GSK3B: variants seen among roughly 807,000 people sequenced by gnomAD.
The protein encoded by GSK3B is glycogen synthase kinase-3 beta.
In GSK3B, 15 loss-of-function variants were observed where a neutral mutation model predicts 56.4. That is an observed-to-expected ratio of 0.27 (90% CI 0.18 to 0.41). GSK3B has a LOEUF of 0.41. Ranked by LOEUF, GSK3B falls within the 10% of genes least tolerant of loss-of-function variation. GSK3B has a pLI of 1.00. For synonymous variants in GSK3B, 181 were observed against 188.9 expected, an observed-to-expected ratio of 0.96 and a Z score of 0.34; for missense variants, 300 against 513.4, an observed-to-expected ratio of 0.58 and a Z score of 4.02.
intron 2 of GSK3B, among the ~76,000 whole-genome samples, chr3:119,953,330 T>C (rs919788223): frequency 3.3e-5 from 5 of 152,182 alleles, no homozygotes; most frequent in African/African-American, 1.2e-4. Flanking sequence ...AAATGGCACA[T>C]GTAATTCCAG....
intron 1 of GSK3B, among the ~76,000 whole-genome samples, chr3:120,056,870 CA>C (rs1274722958): frequency 6.6e-6 from 1 of 152,178 alleles, no homozygotes; most frequent in Non-Finnish European, 1.5e-5. Flanking sequence ...AAGCTGGGCA[CA>C]GTGGCTCATG....
At position 119,958,172 on chromosome 3, in the gene GSK3B, CT is replaced by C. The variant is rs2057232696; in HGVS notation, c.283-10822del. Among the ~76,000 whole-genome samples, 3 of 152,218 alleles carry C rather than the reference CT, an allele frequency of 2.0e-5. No individual in the cohort carries two copies. In the South Asian group the frequency reaches 6.2e-4, roughly 32 times the overall value. ...GCACGATGACTCTCTCTCCCACCAC[CT>C]TGTGAAGAAGGTGCCTGCTTTCTTT... On this transcript the variant is annotated intron_variant, in intron 2 of 10. Transcript: ENST00000264235.
chr3:119,962,743 T>C (rs1207635593), intron 2 of GSK3B, among the ~76,000 whole-genome samples: 2 of 152,204 alleles, frequency 1.3e-5, no homozygotes, highest in African/African-American at 2.4e-5. Context: ...CTCAACCTTT[T>C]TGGCACAAGG....
At chr3:119,888,062 A>G (rs939867483) in intron 7 of GSK3B, among the ~76,000 whole-genome samples, 1 of 152,140 alleles carries the variant, frequency 6.6e-6, no homozygotes, top group South Asian at 2.1e-4. Flanking sequence ...GTTTGTCACC[A>G]GCAGATCTTC....
At chr3:119,866,574 A>G (rs200569017) in intron 8 of GSK3B, 81 of 1,584,112 alleles carry the variant, frequency 5.1e-5, no homozygotes, top group Admixed American at 4.6e-4. Context: ...TTGGGAAAAA[A>G]AAATTAAGTA....
At chr3:119,876,365 G>A (rs757738148) in intron 8 of GSK3B, 48 bp downstream of exon 8, 9 of 966,782 alleles carry the variant, frequency 9.3e-6, no homozygotes, top group Non-Finnish European at 1.2e-5. Flanking sequence ...TGAGAAACCT[G>A]TTTTAGTTAA....
At chr3:119,940,646 T>G (rs565681267) in intron 3 of GSK3B, among the ~76,000 whole-genome samples, 139 of 152,316 alleles carry the variant, frequency 9.1e-4, no homozygotes, top group African/African-American at 3.3e-3. Flanking sequence ...CATAGCTTGC[T>G]ATAATTATAT....
At chr3:119,842,938 T>TG (rs553630104) in intron 10 of GSK3B, among the ~76,000 whole-genome samples, 36 of 152,108 alleles carry the variant, frequency 2.4e-4, no homozygotes, top group African/African-American at 8.4e-4. Flanking sequence ...TTTTTTGAGA[T>TG]GGAGTCTTGC....
chr3:119,963,625 CAAA>C (rs774359104), intron 2 of GSK3B, among the ~76,000 whole-genome samples: 1 of 79,196 alleles, frequency 1.3e-5, no homozygotes. Context: ...TTCTTCCCCA[CAAA>C]AAAAAAAAAA....
At chr3:119,972,171 G>C (rs916306391) in intron 2 of GSK3B, among the ~76,000 whole-genome samples, 3 of 152,152 alleles carry the variant, frequency 2.0e-5, no homozygotes, top group African/African-American at 7.2e-5. Context: ...ACAGGTAAGA[G>C]CTAATAACAT....
At chr3:120,080,314 GGGAAGAAGGAAGACGAA>G (rs967135848) in intron 1 of GSK3B, among the ~76,000 whole-genome samples, 2 of 150,972 alleles carry the variant, frequency 1.3e-5, no homozygotes, top group African/African-American at 4.9e-5. Context: ...AGGAGGGGGA[GGGAAGAAGGAAGACGAA>G]GGAAGAAGGA....
intron 8 of GSK3B, among the ~76,000 whole-genome samples, chr3:119,870,682 T>C (rs2056239815): frequency 2.0e-5 from 3 of 152,182 alleles, no homozygotes; most frequent in African/African-American, 4.8e-5. Flanking sequence ...AAGTGATTAT[T>C]ATAGCAATAA....
chr3:119,871,574 TAGAC>T (rs2056250596), intron 8 of GSK3B, among the ~76,000 whole-genome samples: 2 of 152,122 alleles, frequency 1.3e-5, no homozygotes, highest in African/African-American at 4.8e-5. Context: ...ATAAAGAACT[TAGAC>T]AATGAGAAAA....
chr3:119,984,065 C>T (rs774742505), intron 2 of GSK3B, among the ~76,000 whole-genome samples: 3 of 152,148 alleles, frequency 2.0e-5, no homozygotes, highest in Non-Finnish European at 2.9e-5. Context: ...CTCAAAACTG[C>T]ACAACTGCAT....
chr3:119,971,247 G>A (rs2057363856), intron 2 of GSK3B, among the ~76,000 whole-genome samples: 1 of 152,146 alleles, frequency 6.6e-6, no homozygotes, highest in African/African-American at 2.4e-5. Flanking sequence ...TAAATTTCAA[G>A]TATGGGAAGA....
In GSK3B at chr3:119,823,744, G is replaced by A. The variant is rs1232999597; in HGVS notation, c.*3044C>T. 2.6e-5 allele frequency: 5 copies of A among 190,796 alleles called. No homozygotes were observed. Among genetic ancestry groups the A allele is most frequent in the Non-Finnish European group, 4.4e-5 (4 of 91,102 alleles). 11.8% of individuals were successfully genotyped at this position (190,796 alleles called of 1,614,324 possible). A position where few individuals can be genotyped will look rare whatever the true frequency, so the allele number is the denominator to read the frequency against. On this transcript the variant is annotated 3_prime_UTR_variant, in exon 11 of 11. Coordinates refer to ENST00000264235, the MANE Select transcript of GSK3B (RefSeq NM_001146156.2). ...ACCAAAACAAAGGCAGGGCTTCAACGAAATGAAATTACGAATATGATTTCC... is the reference window on the plus strand; with the variant it reads ...ACCAAAACAAAGGCAGGGCTTCAACAAAATGAAATTACGAATATGATTTCC...
At chr3:120,034,803 A>C (rs905882014) in intron 1 of GSK3B, among the ~76,000 whole-genome samples, 2 of 152,190 alleles carry the variant, frequency 1.3e-5, no homozygotes, top group African/African-American at 4.8e-5. Context: ...AATCAAATTA[A>C]AATGAGGGCC....
At position 119,822,385 on chromosome 3, in the gene GSK3B, C is replaced by T. The variant is rs2055424691; in HGVS notation, c.*4403G>A. 4.7e-6 allele frequency: 1 copy of T among 213,332 alleles called. No individual in the cohort carries two copies. The highest frequency in any genetic ancestry group is 9.5e-6 in the Non-Finnish European group (1 of 105,810). The allele number at this position is 213,332 out of a possible 1,614,324, so 13.2% of individuals were successfully genotyped here. A position where few individuals can be genotyped will look rare whatever the true frequency, so the allele number is the denominator to read the frequency against. On this transcript the variant is annotated 3_prime_UTR_variant, in exon 11 of 11. Coordinates refer to ENST00000264235, the MANE Select transcript of GSK3B (RefSeq NM_001146156.2). ...TATAAATGCAAATTTTACAGGCAAG[C>T]AGATTTTCATACAACTATCTGTATC... is the stretch of plus-strand genomic sequence containing the variant.
chr3:119,922,040 G>A (rs1576201262), intron 4 of GSK3B, among the ~76,000 whole-genome samples: 1 of 152,018 alleles, frequency 6.6e-6, no homozygotes, highest in Non-Finnish European at 1.5e-5. Context: ...GGGAGGCTGA[G>A]GCAGGAGAAT....
Sources: allele counts gnomAD v4.1 joint callset (sites outside exome capture counted in the v4.1 genomes callset), GRCh38; gene constraint gnomAD v4.1.1; transcripts MANE v1.5; gene names NCBI Gene and HGNC (gene_info 2026-07-23, HGNC 2026-07-21).